Variants in BMPR1B observed in about 807,000 individuals in gnomAD.
The protein encoded by BMPR1B is bone morphogenetic protein receptor type-1B.
In BMPR1B, 12 loss-of-function variants were observed where a neutral mutation model predicts 59.1. The observed-to-expected ratio is 0.20, with a 90% CI of 0.13 to 0.33. The LOEUF (loss-of-function observed/expected upper bound fraction) is 0.33. BMPR1B is among the 10% of genes least tolerant of loss of function. BMPR1B has a pLI of 1.00. For synonymous variants in BMPR1B, 237 were observed against 207.3 expected, an observed-to-expected ratio of 1.14 and a Z score of -1.23; for missense variants, 550 against 610.9, an observed-to-expected ratio of 0.90 and a Z score of 1.05.
chr4:94,858,775 A>G (rs1210481309), intron 1 of BMPR1B, among the ~76,000 whole-genome samples: 1 of 152,136 alleles, frequency 6.6e-6, no homozygotes, highest in Non-Finnish European at 1.5e-5. Context: ...GTGCATGTGT[A>G]TGTGTGTTTA....
intron 2 of BMPR1B, among the ~76,000 whole-genome samples, chr4:94,932,470 A>G (rs1729127750): frequency 6.6e-6 from 1 of 152,214 alleles, no homozygotes; most frequent in South Asian, 2.1e-4. Context: ...TCAAAATGCT[A>G]TTTTAAAAAA....
chr4:94,848,213 A>G (rs1295976727), intron 1 of BMPR1B, among the ~76,000 whole-genome samples: 3 of 91,830 alleles, frequency 3.3e-5, no homozygotes, highest in African/African-American at 1.9e-4. Context: ...GCTAGATATC[A>G]GTTAAGCTCT....
intron 3 of BMPR1B, among the ~76,000 whole-genome samples, chr4:95,020,773 A>G (rs1052067979): frequency 1.3e-5 from 2 of 152,180 alleles, no homozygotes; most frequent in African/African-American, 4.8e-5. Flanking sequence ...TACTCACTGC[A>G]GCCTCCAACT....
chr4:95,070,113 AAAAC>A (rs547378084), intron 3 of BMPR1B, among the ~76,000 whole-genome samples: 417 of 152,218 alleles, frequency 2.7e-3, no homozygotes, highest in African/African-American at 5.9e-3. Flanking sequence ...GTCACAAAAC[AAAAC>A]AAACAAACAA....
At chr4:94,821,223 TGTG>T (rs767214128) in intron 1 of BMPR1B, among the ~76,000 whole-genome samples, 2 of 152,168 alleles carry the variant, frequency 1.3e-5, no homozygotes, top group Non-Finnish European at 2.9e-5. Context: ...CACAGAAAAT[TGTG>T]GTGAAAATAA....
At chr4:94,917,407 G>A (rs1728525460) in intron 2 of BMPR1B, among the ~76,000 whole-genome samples, 1 of 152,226 alleles carries the variant, frequency 6.6e-6, no homozygotes, top group South Asian at 2.1e-4. Context: ...AGCCACAGGG[G>A]TGGAGCTTCC....
intron 1 of BMPR1B, among the ~76,000 whole-genome samples, chr4:94,845,789 G>T (rs1292281582): frequency 6.6e-6 from 1 of 152,114 alleles, no homozygotes; most frequent in African/African-American, 2.4e-5. Flanking sequence ...GAAATTCTAA[G>T]TATAAGCAAA....
intron 1 of BMPR1B, among the ~76,000 whole-genome samples, chr4:94,864,836 CTGT>C (rs202023772): frequency 0.015 from 2,343 of 152,180 alleles, 59 homozygotes; most frequent in African/African-American, 0.052. Context: ...AATTTTCAAT[CTGT>C]TGTTGGTAAA....
chr4:94,909,634 C>T (rs766741226), intron 2 of BMPR1B, among the ~76,000 whole-genome samples: 7 of 152,032 alleles, frequency 4.6e-5, no homozygotes, highest in Non-Finnish European at 8.8e-5. Flanking sequence ...AAAACTTTCT[C>T]CTATTTCATC....
chr4:95,122,446 G>A (rs558203718), intron 6 of BMPR1B, among the ~76,000 whole-genome samples: 43 of 152,188 alleles, frequency 2.8e-4, no homozygotes, highest in African/African-American at 1.0e-3. Flanking sequence ...TGGATATGCT[G>A]TCTGATCACT....
chr4:95,031,970 A>G (rs972040815), intron 3 of BMPR1B, among the ~76,000 whole-genome samples: 19 of 152,094 alleles, frequency 1.2e-4, no homozygotes, highest in African/African-American at 4.1e-4. Flanking sequence ...TTCTCATCTT[A>G]ATCATTTATG....
At chr4:95,129,737 A>G (rs897733704) in intron 8 of BMPR1B, 125 bp from the exon 9 acceptor site, 44 of 870,994 alleles carry the variant, frequency 5.1e-5, no homozygotes, top group African/African-American at 4.6e-4. Flanking sequence ...TAAGTTGTCT[A>G]TATAGAGAAA....
intron 2 of BMPR1B, among the ~76,000 whole-genome samples, chr4:94,994,476 A>G (rs1169139508): frequency 6.6e-6 from 1 of 152,050 alleles, no homozygotes; most frequent in Non-Finnish European, 1.5e-5. Context: ...TTCCTCCTCT[A>G]GTCTTCTTGC....
chr4:95,084,771 T>C (rs1729446616), intron 3 of BMPR1B, among the ~76,000 whole-genome samples: 1 of 152,216 alleles, frequency 6.6e-6, no homozygotes, highest in African/African-American at 2.4e-5. Flanking sequence ...TTTTCCATAA[T>C]CTAATTCATT....
intron 2 of BMPR1B, among the ~76,000 whole-genome samples, chr4:94,898,246 G>A (rs555902517): frequency 6.6e-6 from 1 of 152,008 alleles, no homozygotes; most frequent in Non-Finnish European, 1.5e-5. Flanking sequence ...GCTACCAAGT[G>A]CAGTCCTGAC....
At chr4:95,039,726 A>G (rs1725517493) in intron 3 of BMPR1B, among the ~76,000 whole-genome samples, 1 of 152,172 alleles carries the variant, frequency 6.6e-6, no homozygotes. Flanking sequence ...GGCTCAACAC[A>G]AATTTGTAAA....
chr4:95,122,334 T>C (rs1295177631), intron 6 of BMPR1B, among the ~76,000 whole-genome samples: 1 of 132,134 alleles, frequency 7.6e-6, no homozygotes, highest in Admixed American at 7.3e-5. Context: ...AGATCCTGTA[T>C]CAAAAAAAAA....
intron 1 of BMPR1B, among the ~76,000 whole-genome samples, chr4:94,784,542 G>A (rs1722696255): frequency 6.6e-6 from 1 of 151,676 alleles, no homozygotes; most frequent in Non-Finnish European, 1.5e-5. Flanking sequence ...TTGTTTGGTA[G>A]AGATGAGGTC....
chr4:94,952,270 T>C (rs763705198), intron 2 of BMPR1B, among the ~76,000 whole-genome samples: 15 of 152,212 alleles, frequency 9.9e-5, no homozygotes, highest in Non-Finnish European at 1.9e-4. Context: ...TCAGTTCTGC[T>C]CTGATCTTAG....
Sources: gnomAD v4.1 joint callset for allele counts (sites outside exome capture counted in the v4.1 genomes callset) on GRCh38, gnomAD v4.1.1 for gene constraint, MANE v1.5 for transcripts, NCBI Gene and HGNC (gene_info 2026-07-23, HGNC 2026-07-21) for gene names.